Variants in HIP1 observed in about 807,000 individuals in gnomAD.
HIP1 encodes the protein huntingtin-interacting protein 1.
In HIP1, 65 loss-of-function variants were observed where a neutral mutation model predicts 147.6. The ratio of observed to expected loss-of-function variants is 0.44; its 90% CI spans 0.36 to 0.54. The LOEUF (loss-of-function observed/expected upper bound fraction) is 0.54, where lower values mean the gene tolerates loss of function less well. Ranked by LOEUF, HIP1 falls within the 20% of genes least tolerant of loss-of-function variation. HIP1 has a pLI of 0.00. For synonymous variants in HIP1, 479 were observed against 504.0 expected, an observed-to-expected ratio of 0.95 and a Z score of 0.67; for missense variants, 1,061 against 1,299.6, an observed-to-expected ratio of 0.82 and a Z score of 2.82.
intron 1 of HIP1, among the ~76,000 whole-genome samples, chr7:75,698,879 G>A (rs1340091543): frequency 3.3e-5 from 5 of 151,780 alleles, no homozygotes; most frequent in Admixed American, 3.3e-4. Flanking sequence ...CAATATATTT[G>A]TATTCACTTG....
intron 1 of HIP1, among the ~76,000 whole-genome samples, chr7:75,604,368 G>A (rs782371529): frequency 1.3e-5 from 2 of 152,196 alleles, no homozygotes; most frequent in African/African-American, 2.4e-5. Context: ...GACCACACCA[G>A]GTAGTTGGAA....
rs1366234693 is a variant in HIP1, at chr7:75,554,648, T to C, written c.1964-122A>G. The C allele has an allele frequency of 1.7e-5, 11 of 656,770 alleles. No individual in the cohort carries two copies. In the East Asian group the frequency reaches 2.9e-4, roughly 18 times the overall value. The allele number at this position is 656,770 out of a possible 1,614,324, so 40.7% of individuals were successfully genotyped here. A position where few individuals can be genotyped will look rare whatever the true frequency, so the allele number is the denominator to read the frequency against. On this transcript the variant is annotated intron_variant, in intron 19 of 30. Coordinates refer to ENST00000336926, the MANE Select transcript of HIP1 (RefSeq NM_005338.7). ...TAAGCTTCCTGCCTAGACGTGAAGT[T>C]CATGAGTAATCACCTCTTGATTCAG...
intron 13 of HIP1, 104 bp from the exon 14 acceptor site, chr7:75,560,019 C>A: frequency 8.6e-7 from 1 of 1,164,924 alleles, no homozygotes; most frequent in Non-Finnish European, 1.2e-6. Context: ...ATACCTGATT[C>A]CCCTAAGTCA....
chr7:75,584,286 C>T (rs1796173162), intron 5 of HIP1, among the ~76,000 whole-genome samples: 1 of 151,706 alleles, frequency 6.6e-6, no homozygotes, highest in Non-Finnish European at 1.5e-5. Flanking sequence ...TTTTAAGAGA[C>T]AGGGTCTCAC....
At chr7:75,688,075 C>T (rs1800325109) in intron 1 of HIP1, among the ~76,000 whole-genome samples, 1 of 152,144 alleles carries the variant, frequency 6.6e-6, no homozygotes, top group Non-Finnish European at 1.5e-5. Flanking sequence ...CCCCTCCACA[C>T]CTCAGCCACT....
At chr7:75,546,820 T>G in intron 25 of HIP1, 119 bp downstream of exon 25, 1 of 705,474 alleles carries the variant, frequency 1.4e-6, no homozygotes, top group Non-Finnish European at 2.4e-6. Context: ...TCTACAGGAG[T>G]GGCTGCTCTG....
intron 1 of HIP1, among the ~76,000 whole-genome samples, chr7:75,695,180 G>A (rs551093208): frequency 1.9e-4 from 29 of 152,298 alleles, no homozygotes; most frequent in African/African-American, 7.0e-4. Context: ...TGTGCATGGC[G>A]GAGCTCATCA....
intron 1 of HIP1, among the ~76,000 whole-genome samples, chr7:75,691,094 A>ATT: frequency 6.6e-6 from 1 of 152,180 alleles, no homozygotes; most frequent in Middle Eastern, 3.2e-3. Context: ...ACGGGAATGG[A>ATT]GTTCTGATAC....
chr7:75,556,745 G>A lies in HIP1; in HGVS notation c.1648C>T (p.Gln550Ter). ...QELATSQREL[Q>*]VLQGSLETSA... ...GTTTCCAGGCTGCCTTGCAGAACCT[G>A]AAGCTCCCGTTGGCTTGTGGCAAGT... Residue 550 changes from glutamine (Q) to a stop codon, truncating the protein, a stop_gained, in exon 17 of 31, where the codon CAG becomes TAG. Coordinates refer to ENST00000336926, the MANE Select transcript of HIP1 (RefSeq NM_005338.7). LOFTEE classifies it high-confidence loss of function. The A allele has an allele frequency of 6.2e-7, 1 of 1,613,256 alleles. No individual in the cohort carries two copies.
intron 1 of HIP1, among the ~76,000 whole-genome samples, chr7:75,723,303 C>T (rs1801554308): frequency 6.6e-6 from 1 of 152,006 alleles, no homozygotes; most frequent in Non-Finnish European, 1.5e-5. Flanking sequence ...ACCCAGGAGG[C>T]GGAGGTTGCA....
At chr7:75,599,034 GAGAAGCTGCCGTCATC>G (rs1339811787) in intron 2 of HIP1, 134 bp downstream of exon 2, 10 of 631,460 alleles carry the variant, frequency 1.6e-5, no homozygotes, top group Non-Finnish European at 2.9e-5. Flanking sequence ...AGCCCTCTCT[GAGAAGCTGCCGTCATC>G]AGAAGCTGCA....
intron 27 of HIP1, among the ~76,000 whole-genome samples, chr7:75,544,411 T>A (rs397832789): frequency 1.3e-4 from 4 of 30,160 alleles, no homozygotes; most frequent in Non-Finnish European, 3.0e-4. Flanking sequence ...AGCCAAGTAC[T>A]CTCTAACCTA....
In HIP1 at chr7:75,637,222, C is replaced by CA. The variant is rs554767105; in HGVS notation, c.121-37976dup. On this transcript the variant is annotated intron_variant, in intron 1 of 30. Coordinates refer to ENST00000336926, the MANE Select transcript of HIP1 (RefSeq NM_005338.7). ...ATGTTTCTTTGTGTTCTTTACCCAG[C>CA]ACTTGCTATAGAAATTATGAGAATT... Among the ~76,000 whole-genome samples, 63 of 152,322 alleles carry CA rather than the reference C, an allele frequency of 4.1e-4. No homozygotes were observed. In the South Asian group the frequency reaches 8.7e-3, roughly 21 times the overall value.
intron 1 of HIP1, among the ~76,000 whole-genome samples, chr7:75,718,678 T>C (rs1176305658): frequency 6.6e-6 from 1 of 152,184 alleles, no homozygotes; most frequent in Non-Finnish European, 1.5e-5. Context: ...GCATCCCTCA[T>C]CATTTTAGTT....
intron 1 of HIP1, among the ~76,000 whole-genome samples, chr7:75,659,605 C>T (rs540232718): frequency 3.2e-4 from 48 of 151,552 alleles, no homozygotes; most frequent in African/African-American, 1.0e-3. Context: ...GCCAAGATTG[C>T]GCCACTGGAC....
At chr7:75,714,910 G>A (rs1386637992) in intron 1 of HIP1, among the ~76,000 whole-genome samples, 2 of 152,122 alleles carry the variant, frequency 1.3e-5, no homozygotes, top group African/African-American at 2.4e-5. Context: ...AGGATCCCAC[G>A]CTGCACCGAC....
intron 1 of HIP1, among the ~76,000 whole-genome samples, chr7:75,659,529 A>C (rs1474771960): frequency 6.6e-6 from 1 of 152,026 alleles, no homozygotes; most frequent in Non-Finnish European, 1.5e-5. Context: ...CACGCCTGTA[A>C]TCCCAGCTAC....
intron 1 of HIP1, among the ~76,000 whole-genome samples, chr7:75,695,551 G>T (rs1487765527): frequency 1.4e-5 from 2 of 143,024 alleles, no homozygotes; most frequent in Non-Finnish European, 3.0e-5. Context: ...TTCAGAAGGG[G>T]TTGTGGAGCG....
At chr7:75,650,091 G>T (rs570551970) in intron 1 of HIP1, among the ~76,000 whole-genome samples, 21 of 152,240 alleles carry the variant, frequency 1.4e-4, no homozygotes, top group Admixed American at 1.1e-3. Context: ...ACCTGGCTTG[G>T]TCTTAGGATC....
Sources: allele counts gnomAD v4.1 joint callset (sites outside exome capture counted in the v4.1 genomes callset), GRCh38; gene constraint gnomAD v4.1.1; transcripts MANE v1.5; gene names NCBI Gene and HGNC (gene_info 2026-07-23, HGNC 2026-07-21).